The following RAPGEF4 variants were observed in gnomAD, a reference collection of about 807,000 sequenced individuals.
RAPGEF4 encodes RAP guanine-nucleotide-exchange factor (GEF) 4.
Under a neutral mutation model 147.9 loss-of-function variants are expected in RAPGEF4, and 66 were observed. The observed-to-expected ratio is 0.45, with a 90% CI of 0.37 to 0.55. The LOEUF (loss-of-function observed/expected upper bound fraction) is 0.55. Among genes scored for constraint, RAPGEF4 ranks in the 20% least tolerant of loss-of-function variants. The probability of loss-of-function intolerance (pLI) is 0.00; values close to 1 mark genes in which losing one functional copy is unlikely to be tolerated. For synonymous variants in RAPGEF4, 419 were observed against 442.7 expected, an observed-to-expected ratio of 0.95 and a Z score of 0.67; for missense variants, 1,071 against 1,257.3, an observed-to-expected ratio of 0.85 and a Z score of 2.24.
At chr2:172,832,687 A>T (rs13404300) in intron 4 of RAPGEF4, among the ~76,000 whole-genome samples, 1 of 152,178 alleles carries the variant, frequency 6.6e-6, no homozygotes, top group Non-Finnish European at 1.5e-5. Flanking sequence ...GAAACTTTGC[A>T]CAAAACTGAT....
intron 3 of RAPGEF4, among the ~76,000 whole-genome samples, chr2:172,798,024 C>T (rs537044119): frequency 6.6e-6 from 1 of 152,250 alleles, no homozygotes; most frequent in East Asian, 1.9e-4. Flanking sequence ...AGAAGTGATC[C>T]CCTCATCGGC....
At chr2:172,769,477 A>G (rs1697158362) in intron 1 of RAPGEF4, among the ~76,000 whole-genome samples, 1 of 152,176 alleles carries the variant, frequency 6.6e-6, no homozygotes, top group Non-Finnish European at 1.5e-5. Context: ...TGGGGTATGC[A>G]TCAATTTCCC....
chr2:172,772,206 T>A (rs1242761333), intron 1 of RAPGEF4, among the ~76,000 whole-genome samples: 1 of 152,206 alleles, frequency 6.6e-6, no homozygotes, highest in Non-Finnish European at 1.5e-5. Flanking sequence ...GCCACTGTAC[T>A]CCAGCCTGGC....
intron 4 of RAPGEF4, chr2:172,860,074 TAAAG>T: frequency 2.0e-6 from 2 of 985,386 alleles, no homozygotes; most frequent in Non-Finnish European, 2.4e-6. Flanking sequence ...GGGCTACGGC[TAAAG>T]AAAGGTAGGA....
At chr2:172,895,459 C>G (rs1698377345) in intron 4 of RAPGEF4, among the ~76,000 whole-genome samples, 1 of 152,288 alleles carries the variant, frequency 6.6e-6, no homozygotes, top group South Asian at 2.1e-4. Flanking sequence ...TAGACATACA[C>G]TTTCCCTGAA....
At chr2:172,918,282 A>C (rs1196537961) in intron 5 of RAPGEF4, among the ~76,000 whole-genome samples, 1 of 140,332 alleles carries the variant, frequency 7.1e-6, no homozygotes, top group Non-Finnish European at 1.5e-5. Context: ...TCTATTGATG[A>C]AGAGGAGAAG....
intron 1 of RAPGEF4, among the ~76,000 whole-genome samples, chr2:172,765,047 C>T (rs1448637983): frequency 1.3e-5 from 2 of 152,204 alleles, no homozygotes; most frequent in African/African-American, 4.8e-5. Flanking sequence ...AGTGTTTCTT[C>T]TGGAGACTTT....
At chr2:172,895,747 A>G (rs527324632) in intron 4 of RAPGEF4, among the ~76,000 whole-genome samples, 23 of 152,316 alleles carry the variant, frequency 1.5e-4, no homozygotes, top group Admixed American at 1.4e-3. Flanking sequence ...GGGAAAAAGG[A>G]ATTGGGAGAG....
intron 17 of RAPGEF4, among the ~76,000 whole-genome samples, chr2:173,005,112 G>T (rs1694298770): frequency 1.0e-5 from 1 of 95,942 alleles, no homozygotes; most frequent in South Asian, 3.2e-4. Context: ...TATTTCCACG[G>T]TTTTTTTCTT....
intron 4 of RAPGEF4, among the ~76,000 whole-genome samples, chr2:172,850,238 T>A (rs1377982469): frequency 6.6e-6 from 1 of 152,188 alleles, no homozygotes; most frequent in African/African-American, 2.4e-5. Flanking sequence ...ATTCTTTTCA[T>A]CTTATTTGAC....
chr2:172,928,386 A>T (rs1685588044), intron 6 of RAPGEF4: 1 of 344,650 alleles, frequency 2.9e-6, no homozygotes, highest in Admixed American at 3.7e-5. Flanking sequence ...TGTAGTTGTC[A>T]TCCATCTAAA....
At chr2:172,808,910 T>A (rs1303478323) in intron 3 of RAPGEF4, among the ~76,000 whole-genome samples, 2 of 152,232 alleles carry the variant, frequency 1.3e-5, no homozygotes, top group African/African-American at 2.4e-5. Flanking sequence ...CTTTGCCTGA[T>A]GCCCTGCCTT....
At chr2:172,869,329 TA>T (rs945973106) in intron 4 of RAPGEF4, among the ~76,000 whole-genome samples, 2 of 152,178 alleles carry the variant, frequency 1.3e-5, no homozygotes, top group African/African-American at 4.8e-5. Context: ...TTTGGGTTTT[TA>T]AAAAAATTAA....
chr2:172,753,577 A>G (rs1695491277), intron 1 of RAPGEF4, among the ~76,000 whole-genome samples: 1 of 152,152 alleles, frequency 6.6e-6, no homozygotes, highest in Non-Finnish European at 1.5e-5. Flanking sequence ...ATATTTATTC[A>G]TATCATTATA....
chr2:172,965,614 T>C lies in RAPGEF4; in HGVS notation c.751T>C (p.Cys251Arg), dbSNP rs777491127. The change falls in exon 9 of 31, where the codon TGT (cysteine) becomes CGT (arginine). Residue 251 changes from cysteine (C) to arginine (R), a missense_variant. Physicochemically the swap from Cys to Arg is radical, Grantham distance 180. Coordinates refer to ENST00000397081, the MANE Select transcript of RAPGEF4 (RefSeq NM_007023.4). The stretch of plus-strand genomic sequence containing the variant: ...GGACTGGATGATGCAGCAGACACCA[T>C]GTGTTCACTCCCGGACTCAAGCTGT... ...LVDWMMQQTPCVHSRTQAVGM... is the reference protein window; with the variant it reads ...LVDWMMQQTPRVHSRTQAVGM... 2 of 1,613,872 alleles carry C rather than the reference T, an allele frequency of 1.2e-6. No individual in the cohort carries two copies. The highest frequency in any genetic ancestry group is 1.7e-6 in the Non-Finnish European group (2 of 1,179,782).
At chr2:173,041,363 A>G (rs1684738732) in intron 29 of RAPGEF4, among the ~76,000 whole-genome samples, 1 of 152,224 alleles carries the variant, frequency 6.6e-6, no homozygotes, top group Non-Finnish European at 1.5e-5. Flanking sequence ...GAGAGTTTAC[A>G]TCTTTGTATA....
At chr2:172,976,487 G>A (rs950958048) in intron 10 of RAPGEF4, among the ~76,000 whole-genome samples, 2 of 152,176 alleles carry the variant, frequency 1.3e-5, no homozygotes, top group Admixed American at 1.3e-4. Flanking sequence ...AGAGAATCAG[G>A]TGGATTGAGA....
intron 1 of RAPGEF4, among the ~76,000 whole-genome samples, chr2:172,748,943 C>G (rs978081767): frequency 8.5e-5 from 13 of 152,222 alleles, no homozygotes; most frequent in Non-Finnish European, 1.6e-4. Context: ...GTGGGGCAGT[C>G]AAATCTTAAG....
Position 173,042,239 on chromosome 2 carries a change from T to C in RAPGEF4, c.2853+5547T>C, listed in dbSNP as rs1684853204. Among the ~76,000 whole-genome samples, 1 of 152,252 alleles carries C rather than the reference T, an allele frequency of 6.6e-6. No individual in the cohort carries two copies. The highest frequency in any genetic ancestry group is 2.1e-4 in the South Asian group (1 of 4,830). Reference sequence around the variant, plus strand: ...ATCGTAAGTATGCAAGAAGTACTTGTTGAATAAAATGTAATGTTTCAGTGT... The same window carrying C: ...ATCGTAAGTATGCAAGAAGTACTTGCTGAATAAAATGTAATGTTTCAGTGT... On this transcript the variant is annotated intron_variant, in intron 29 of 30. Coordinates refer to ENST00000397081, the MANE Select transcript of RAPGEF4 (RefSeq NM_007023.4). This position sits in a 1 kb window ranked among gnomAD's most constrained non-coding sequence, Gnocchi z 4.2.
Sources: gnomAD v4.1 joint callset for allele counts (sites outside exome capture counted in the v4.1 genomes callset) on GRCh38, gnomAD v4.1.1 for gene constraint, Gnocchi (gnomAD v3.1) non-coding constraint, MANE v1.5 for transcripts, NCBI Gene and HGNC (gene_info 2026-07-23, HGNC 2026-07-21) for gene names.